POC5: variants seen among roughly 807,000 people sequenced by gnomAD.
POC5 encodes the protein centrosomal protein POC5.
In POC5, 48 loss-of-function variants were observed where a neutral mutation model predicts 62.9. The observed-to-expected ratio is 0.76, with a 90% CI of 0.61 to 0.97. The LOEUF (loss-of-function observed/expected upper bound fraction) is 0.97, where lower values mean the gene tolerates loss of function less well. Among genes scored for constraint, POC5 ranks in the 50% least tolerant of loss-of-function variants. The probability of loss-of-function intolerance (pLI) is 0.00; values close to 1 mark genes in which losing one functional copy is unlikely to be tolerated. For synonymous variants in POC5, 236 were observed against 228.2 expected (o/e 1.03, Z -0.31); for missense variants, 696 against 679.5 (o/e 1.02, Z -0.27).
chr5:75,678,151 T>G (rs556752422), intron 10 of POC5, among the ~76,000 whole-genome samples: 4 of 152,124 alleles, frequency 2.6e-5, no homozygotes, highest in African/African-American at 9.6e-5. Flanking sequence ...AACCTGAGTA[T>G]GCCAACGATT....
At chr5:75,685,764 G>C (rs1776076645) in intron 9 of POC5, among the ~76,000 whole-genome samples, 1 of 152,048 alleles carries the variant, frequency 6.6e-6, no homozygotes, top group Non-Finnish European at 1.5e-5. Flanking sequence ...TACTCAGCTG[G>C]GACCTTAGCT....
At chr5:75,688,154 G>C (rs1238437776) in intron 9 of POC5, among the ~76,000 whole-genome samples, 1 of 152,144 alleles carries the variant, frequency 6.6e-6, no homozygotes, top group Non-Finnish European at 1.5e-5. Flanking sequence ...GCACAGAGAA[G>C]TTATTCATTG....
chr5:75,679,294 T>C (rs1320514173), intron 10 of POC5, among the ~76,000 whole-genome samples: 1 of 152,148 alleles, frequency 6.6e-6, no homozygotes, highest in Non-Finnish European at 1.5e-5. Flanking sequence ...CATTTGAAAT[T>C]CCAGTGTGAA....
intron 7 of POC5, among the ~76,000 whole-genome samples, chr5:75,691,766 G>A (rs544645434): frequency 1.5e-4 from 23 of 151,834 alleles, no homozygotes; most frequent in Admixed American, 1.4e-3. Context: ...TCTTGTTGTG[G>A]GATATACTCA....
At chr5:75,695,999 T>G (rs1268883675) in intron 5 of POC5, 1 of 152,998 alleles carries the variant, frequency 6.5e-6, no homozygotes, top group Non-Finnish European at 1.5e-5. Flanking sequence ...ACTGCGCTTT[T>G]CCGAGGGGCT....
At position 75,702,894 on chromosome 5, in the gene POC5, C is replaced by T. The variant is rs1018360334; in HGVS notation, c.308-84G>A. On this transcript the variant is annotated intron_variant, in intron 4 of 11. Transcript: ENST00000428202. ...GGAACCATACTGGAAGGCTAAAAGA[C>T]GTCTGCTACTTATGGAGGCTGAGAA... 1.0e-5 allele frequency: 11 copies of T among 1,053,790 alleles called. No homozygotes were observed. In the African/African-American group the frequency reaches 1.3e-4, roughly 12 times the overall value. The allele number at this position is 1,053,790 out of a possible 1,614,324, so 65.3% of individuals were successfully genotyped here.
At chr5:75,700,974 C>A (rs1364035262) in intron 5 of POC5, among the ~76,000 whole-genome samples, 1 of 133,190 alleles carries the variant, frequency 7.5e-6, no homozygotes, top group African/African-American at 2.7e-5. Flanking sequence ...AAAAAATGCT[C>A]ACCATCACTG....
chr5:75,710,861 AG>A (rs1777314600), intron 2 of POC5, among the ~76,000 whole-genome samples: 1 of 152,202 alleles, frequency 6.6e-6, no homozygotes, highest in South Asian at 2.1e-4. Context: ...TCTAGCATGT[AG>A]GAACGGAGGG....
chr5:75,698,146 T>C (rs1484299072), intron 5 of POC5, among the ~76,000 whole-genome samples: 1 of 139,198 alleles, frequency 7.2e-6, no homozygotes, highest in East Asian at 2.0e-4. Flanking sequence ...ACTGTCAACA[T>C]TAGACAGATC....
Position 75,677,785 on chromosome 5 carries a change from G to A in POC5, c.1573C>T (p.Pro525Ser), listed in dbSNP as rs372638248. ...MSSVVVEKHH[P>S]VTVQTIPQAT... is the part of the protein sequence containing the mutation. ...AAATGTGGACTCACCACTGTGACTG[G>A]ATGATGTTTTTCCACAACAACTGAG... Residue 525 changes from proline (P) to serine (S), a missense_variant, in exon 11 of 12, where the codon CCA becomes TCA. Physicochemically the swap from Pro to Ser is moderately conservative, Grantham distance 74 (BLOSUM62 -1). Coordinates refer to ENST00000428202, the MANE Select transcript of POC5 (RefSeq NM_001099271.2). 3 of 1,606,454 alleles carry A rather than the reference G, an allele frequency of 1.9e-6. No individual in the cohort carries two copies. In the African/African-American group the frequency reaches 4.0e-5, roughly 22 times the overall value.
intron 10 of POC5, among the ~76,000 whole-genome samples, chr5:75,684,834 A>T (rs1776031862): frequency 6.7e-6 from 1 of 149,000 alleles, no homozygotes; most frequent in Non-Finnish European, 1.5e-5. Flanking sequence ...ATAGGAAAAT[A>T]TTTTATGAGT....
At position 75,696,352 on chromosome 5, in the gene POC5, G is replaced by A. The variant is rs10052277; in HGVS notation, c.514-1521C>T. ...AAGAGAGCAGTGGTTCTCCCAGCAC[G>A]CAGCTGGAGATCTGAGAACGGGCAG... On this transcript the variant is annotated intron_variant, in intron 5 of 11. Transcript: ENST00000428202. 9.1e-4 allele frequency among the ~76,000 whole-genome samples: 139 copies of A among 152,306 alleles called. 2 individuals are homozygous for A. In the South Asian group the frequency reaches 0.01, roughly 11 times the overall value.
intron 6 of POC5, among the ~76,000 whole-genome samples, chr5:75,693,040 T>C (rs1776407236): frequency 6.7e-6 from 1 of 148,324 alleles, no homozygotes; most frequent in Non-Finnish European, 1.5e-5. Flanking sequence ...ATATTATATA[T>C]GTTATATATA....
At chr5:75,683,500 T>A (rs944159847) in intron 10 of POC5, among the ~76,000 whole-genome samples, 2 of 152,048 alleles carry the variant, frequency 1.3e-5, no homozygotes, top group Admixed American at 1.3e-4. Context: ...CCCAAAGTGT[T>A]GGGATTACAG....
At chr5:75,715,129 G>A (rs892008675) in intron 1 of POC5, among the ~76,000 whole-genome samples, 11 of 151,962 alleles carry the variant, frequency 7.2e-5, no homozygotes, top group East Asian at 3.9e-4. Context: ...TAGCTAACAC[G>A]GTGAAACCCC....
At chr5:75,694,375 A>G (rs1776471028) in intron 6 of POC5, among the ~76,000 whole-genome samples, 1 of 152,208 alleles carries the variant, frequency 6.6e-6, no homozygotes, top group South Asian at 2.1e-4. Flanking sequence ...TTGACAAATC[A>G]TAATAGTTTT....
In POC5 at chr5:75,690,510, T is replaced by C. The variant is rs1776283641; in HGVS notation, c.848A>G (p.Lys283Arg). Residue 283 changes from lysine to arginine, a missense_variant, in exon 8 of 12, where the codon AAA becomes AGA. Transcript: ENST00000428202. ...DQYYQRTLLK[K>R]VWKVWRSVVQ... ...TACGGAACGCCAGACTTTCCAGACTTTCTTCAGTAAAGTTCTCTGGTAGTA... is the reference window on the plus strand; with the variant it reads ...TACGGAACGCCAGACTTTCCAGACTCTCTTCAGTAAAGTTCTCTGGTAGTA... 2.5e-6 allele frequency: 4 copies of C among 1,604,110 alleles called. No individual in the cohort carries two copies. The highest frequency in any genetic ancestry group is 2.2e-5 in the East Asian group (1 of 44,784).
At chr5:75,693,895 G>A (rs1463518538) in intron 6 of POC5, among the ~76,000 whole-genome samples, 1 of 152,118 alleles carries the variant, frequency 6.6e-6, no homozygotes, top group Non-Finnish European at 1.5e-5. Context: ...GCACAGACTT[G>A]AATCTTACCC....
chr5:75,701,715 TATA>T (rs995409982), intron 5 of POC5, among the ~76,000 whole-genome samples: 1 of 142,938 alleles, frequency 7.0e-6, no homozygotes, highest in African/African-American at 2.6e-5. Flanking sequence ...AAACTTAAAG[TATA>T]ATAATAATAA....
Sources: gnomAD v4.1 joint callset for allele counts (sites outside exome capture counted in the v4.1 genomes callset) on GRCh38, gnomAD v4.1.1 for gene constraint, MANE v1.5 for transcripts, NCBI Gene and HGNC (gene_info 2026-07-23, HGNC 2026-07-21) for gene names.